Variants in DTD1 observed in about 807,000 individuals in gnomAD.
The protein encoded by DTD1 is D-tyrosyl-tRNA deacylase 1 homolog.
Under a neutral mutation model 25.6 loss-of-function variants are expected in DTD1, and 13 were observed. The observed-to-expected ratio is 0.51, with a 90% CI of 0.33 to 0.81. The LOEUF (loss-of-function observed/expected upper bound fraction) is 0.81, where lower values mean the gene tolerates loss of function less well. Ranked by LOEUF, DTD1 falls within the 30% of genes least tolerant of loss-of-function variation. The pLI is 0.02. For missense variants in DTD1, 193 were observed against 266.4 expected, an observed-to-expected ratio of 0.72 and a Z score of 1.92; for synonymous variants, 110 against 103.6, an observed-to-expected ratio of 1.06 and a Z score of -0.37.
chr20:18,657,592 T>C (rs761530116), intron 4 of DTD1, among the ~76,000 whole-genome samples: 2 of 152,240 alleles, frequency 1.3e-5, no homozygotes, highest in Non-Finnish European at 2.9e-5. Flanking sequence ...CACCACTGCC[T>C]TAATTCAAGT....
intron 4 of DTD1, among the ~76,000 whole-genome samples, chr20:18,633,528 G>A (rs1015446201): frequency 6.6e-6 from 1 of 152,198 alleles, no homozygotes; most frequent in African/African-American, 2.4e-5. Context: ...GGAGGTGTGT[G>A]TGGGTGGGAG....
intron 4 of DTD1, among the ~76,000 whole-genome samples, chr20:18,650,241 A>T (rs750947327): frequency 2.0e-5 from 3 of 152,154 alleles, no homozygotes; most frequent in Non-Finnish European, 4.4e-5. Context: ...AACAAAAACG[A>T]ACACAAAAAC....
intron 3 of DTD1, among the ~76,000 whole-genome samples, chr20:18,597,042 A>T (rs59185471): frequency 0.011 from 1,714 of 152,224 alleles, 27 homozygotes; most frequent in African/African-American, 0.032. Context: ...ACAGTATCAT[A>T]CAGAATATTT....
chr20:18,648,692 A>C (rs1465042861), intron 4 of DTD1, among the ~76,000 whole-genome samples: 1 of 152,130 alleles, frequency 6.6e-6, no homozygotes, highest in East Asian at 1.9e-4. Flanking sequence ...ACAAATAAAA[A>C]ATTTAGATTA....
intron 3 of DTD1, among the ~76,000 whole-genome samples, chr20:18,596,753 G>A (rs2060613708): frequency 6.7e-6 from 1 of 149,978 alleles, no homozygotes. Context: ...CTAAATAAAG[G>A]CTTTATTTGA....
At chr20:18,636,929 G>C (rs1288040312) in intron 4 of DTD1, among the ~76,000 whole-genome samples, 1 of 152,204 alleles carries the variant, frequency 6.6e-6, no homozygotes, top group Non-Finnish European at 1.5e-5. Context: ...TAAAATGCAG[G>C]GTCCTGGGCC....
chr20:18,614,681 A>G (rs1478800748), intron 3 of DTD1, among the ~76,000 whole-genome samples: 3 of 152,108 alleles, frequency 2.0e-5, no homozygotes, highest in Non-Finnish European at 4.4e-5. Context: ...TTAAGCTGAG[A>G]TGAGAAGGAT....
At chr20:18,638,816 G>C (rs1400035979) in intron 4 of DTD1, among the ~76,000 whole-genome samples, 4 of 152,176 alleles carry the variant, frequency 2.6e-5, no homozygotes, top group Non-Finnish European at 5.9e-5. Context: ...TTGTGACAGG[G>C]TGGCAGAGAG....
chr20:18,728,796 C>T (rs993235015), intron 4 of DTD1, among the ~76,000 whole-genome samples: 1 of 152,180 alleles, frequency 6.6e-6, no homozygotes, highest in Non-Finnish European at 1.5e-5. Flanking sequence ...CTGGGTCTGT[C>T]TGGTGGTAGG....
intron 3 of DTD1, among the ~76,000 whole-genome samples, chr20:18,623,041 G>A (rs2060742092): frequency 6.7e-6 from 1 of 149,086 alleles, no homozygotes; most frequent in African/African-American, 2.5e-5. Flanking sequence ...CCGGGTTCAA[G>A]CGATTCTTCT....
intron 4 of DTD1, among the ~76,000 whole-genome samples, chr20:18,727,830 T>G (rs2061227725): frequency 6.6e-6 from 1 of 152,244 alleles, no homozygotes; most frequent in African/African-American, 2.4e-5. Context: ...TGTCAGCACT[T>G]CAGTCCTTAT....
intron 4 of DTD1, among the ~76,000 whole-genome samples, chr20:18,650,937 A>G (rs79778081): frequency 3.5e-3 from 528 of 152,346 alleles, no homozygotes; most frequent in Non-Finnish European, 5.3e-3. Context: ...TGGCCTTCCT[A>G]AATATAAAAA....
rs1009602279 is a variant in DTD1, at chr20:18,655,034, G to T, written c.477+26801G>T. Among the ~76,000 whole-genome samples the T allele has an allele frequency of 7.0e-4, 106 of 152,244 alleles. 1 individual carries two copies. In the Middle Eastern group the frequency reaches 0.01, roughly 15 times the overall value. The stretch of plus-strand genomic sequence containing the variant: ...TGTATTTCATTTTAATCTGTAGTTT[G>T]GAATAAAGTTATTTCAAAGAGTGTT... On this transcript the variant is annotated intron_variant, in intron 4 of 5. Transcript: ENST00000377452.
chr20:18,721,052 A>G (rs2061201093), intron 4 of DTD1, among the ~76,000 whole-genome samples: 3 of 152,180 alleles, frequency 2.0e-5, no homozygotes, highest in Admixed American at 6.5e-5. Context: ...TGCTTCTGGC[A>G]TGACAACCGC....
chr20:18,749,418 G>A lies in DTD1; in HGVS notation c.*19+5147G>A, dbSNP rs1481478980. Among the ~76,000 whole-genome samples the A allele has an allele frequency of 1.3e-5, 2 of 152,084 alleles. No homozygotes were observed. The highest frequency in any genetic ancestry group is 2.4e-5 in the African/African-American group (1 of 41,396). On this transcript the variant is annotated intron_variant, in intron 5 of 5. Transcript: ENST00000377452. The surrounding 1 kb of genome is among the most constrained non-coding windows in gnomAD (Gnocchi z 4.2). ...GTGTTGGGTCTGTGGGCTGACTCTCGGTCCTGGATAGAAGTGGTGAGGTGA... is the reference window on the plus strand; with the variant it reads ...GTGTTGGGTCTGTGGGCTGACTCTCAGTCCTGGATAGAAGTGGTGAGGTGA...
intron 4 of DTD1, chr20:18,631,013 C>T: frequency 1.0e-6 from 1 of 973,246 alleles, no homozygotes; most frequent in Non-Finnish European, 1.2e-6. Context: ...CAGGTGAAGT[C>T]TACCAGATAC....
chr20:18,648,920 C>T (rs770922037), intron 4 of DTD1, among the ~76,000 whole-genome samples: 167 of 132,068 alleles, frequency 1.3e-3, no homozygotes, highest in Non-Finnish European at 2.0e-3. Context: ...GACGTGAACC[C>T]GGGAGGCAGA....
chr20:18,710,790 T>G (rs902031275), intron 4 of DTD1, among the ~76,000 whole-genome samples: 4 of 152,158 alleles, frequency 2.6e-5, no homozygotes, highest in Non-Finnish European at 5.9e-5. Context: ...CCTCTGGCCC[T>G]GGATGATAGT....
At chr20:18,645,850 C>G (rs986252143) in intron 4 of DTD1, among the ~76,000 whole-genome samples, 1 of 152,116 alleles carries the variant, frequency 6.6e-6, no homozygotes, top group African/African-American at 2.4e-5. Context: ...TATTTAAAGG[C>G]GCTAAAAATG....
Sources: gnomAD v4.1 joint callset for allele counts (sites outside exome capture counted in the v4.1 genomes callset) on GRCh38, gnomAD v4.1.1 for gene constraint, Gnocchi (gnomAD v3.1) non-coding constraint, MANE v1.5 for transcripts, NCBI Gene and HGNC (gene_info 2026-07-23, HGNC 2026-07-21) for gene names.